Variants in SLIT3 observed in about 807,000 individuals in gnomAD.
The protein encoded by SLIT3 is slit homolog 3 protein.
SLIT3 carries 68 observed loss-of-function variants against 184.0 expected under a neutral mutation model. The observed-to-expected ratio is 0.37, with a 90% CI of 0.30 to 0.45. The LOEUF is 0.45. SLIT3 is among the 20% of genes least tolerant of loss of function. SLIT3 has a pLI of 1.00. For missense variants in SLIT3, 1,707 were observed against 2,026.0 expected (o/e 0.84, Z 3.02); for synonymous variants, 831 against 828.6 (o/e 1.00, Z -0.05).
Position 168,772,871 on chromosome 5 carries a change from T to C in SLIT3, c.1369A>G (p.Ile457Val), listed in dbSNP as rs751421401. 6.2e-7 allele frequency: 1 copy of C among 1,614,062 alleles called. No individual in the cohort carries two copies. The highest frequency in any genetic ancestry group is 8.5e-7 in the Non-Finnish European group (1 of 1,180,012). Residue 457 changes from isoleucine to valine, a missense_variant, in exon 14 of 36, where the codon ATC (isoleucine) becomes GTC (valine). This residue lies in a region of SLIT3 where 1,307 missense variants were observed against 1,511.6 expected (regional missense o/e 0.86). Transcript: ENST00000519560. ...WLADYLQDNP[I>V]ETSGARCSSP... ...CTGCAGCGGGCCCCGCTTGTCTCGA[T>C]GGGGTTGTCCTGGAGGTAGTCGGCC...
intron 4 of SLIT3, among the ~76,000 whole-genome samples, chr5:168,925,298 G>A (rs974976467): frequency 1.3e-5 from 2 of 152,288 alleles, no homozygotes; most frequent in Admixed American, 6.5e-5. Context: ...ACGCACCAAG[G>A]GAGCTGCTAC....
intron 20 of SLIT3, among the ~76,000 whole-genome samples, chr5:168,733,219 C>T (rs1763338774): frequency 6.6e-6 from 1 of 151,912 alleles, no homozygotes; most frequent in Admixed American, 6.6e-5. Flanking sequence ...AGAAAAATGC[C>T]AATCAGAACC....
chr5:169,170,157 A>C (rs997734539), intron 4 of SLIT3, among the ~76,000 whole-genome samples: 1 of 152,180 alleles, frequency 6.6e-6, no homozygotes, highest in Non-Finnish European at 1.5e-5. Flanking sequence ...TGACACCCAC[A>C]TTTGAACACC....
intron 5 of SLIT3, among the ~76,000 whole-genome samples, chr5:168,859,182 G>A (rs1759012999): frequency 6.6e-6 from 1 of 152,118 alleles, no homozygotes; most frequent in Non-Finnish European, 1.5e-5. Flanking sequence ...GTGGAGGGAC[G>A]GGGTCTATCT....
intron 3 of SLIT3, among the ~76,000 whole-genome samples, chr5:169,228,306 G>T (rs74968267): frequency 0.02 from 2,999 of 152,200 alleles, 105 homozygotes; most frequent in African/African-American, 0.069. Flanking sequence ...GGGCCAAAAA[G>T]GCCTCCCCAG....
chr5:168,977,357 T>C lies in SLIT3; in HGVS notation c.414-94021A>G, dbSNP rs544180949. 3.9e-5 allele frequency among the ~76,000 whole-genome samples: 6 copies of C among 152,302 alleles called. No individual in the cohort carries two copies. In the East Asian group the frequency reaches 1.2e-3, roughly 29 times the overall value. On this transcript the variant is annotated intron_variant, in intron 4 of 35. Transcript: ENST00000519560. ...CCAGTGAGACATGGATTTGTGGATG[T>C]TTGGCAGAAATGTGCTGGCCTTATG...
At chr5:168,893,034 T>C (rs907864819) in intron 4 of SLIT3, among the ~76,000 whole-genome samples, 1 of 152,174 alleles carries the variant, frequency 6.6e-6, no homozygotes, top group African/African-American at 2.4e-5. Context: ...CGTACCTCAT[T>C]ATATACACTT....
At chr5:168,819,263 T>C (rs1757441532) in intron 7 of SLIT3, among the ~76,000 whole-genome samples, 2 of 152,250 alleles carry the variant, frequency 1.3e-5, no homozygotes, top group Admixed American at 1.3e-4. Context: ...GCAAAACCTC[T>C]GTTTATTCAT....
intron 4 of SLIT3, among the ~76,000 whole-genome samples, chr5:169,131,793 C>A (rs973415365): frequency 6.6e-6 from 1 of 152,200 alleles, no homozygotes; most frequent in Admixed American, 6.5e-5. Flanking sequence ...GGCTGTAAAG[C>A]AAAAGCATGA....
At chr5:168,713,619 A>T (rs904516073) in intron 23 of SLIT3, among the ~76,000 whole-genome samples, 1 of 152,236 alleles carries the variant, frequency 6.6e-6, no homozygotes, top group Non-Finnish European at 1.5e-5. Flanking sequence ...ATTAGTGTTG[A>T]CAGTGGAAGT....
intron 4 of SLIT3, among the ~76,000 whole-genome samples, chr5:168,977,627 G>A (rs1416456893): frequency 6.6e-6 from 1 of 152,136 alleles, no homozygotes; most frequent in Non-Finnish European, 1.5e-5. Flanking sequence ...TGATGCCTGG[G>A]TCTGACTGTT....
chr5:169,087,192 C>T (rs2113186386), intron 4 of SLIT3, among the ~76,000 whole-genome samples: 1 of 152,304 alleles, frequency 6.6e-6, no homozygotes, highest in South Asian at 2.1e-4. Context: ...TTCTGCAAAG[C>T]ACTAACTGCT....
chr5:168,784,343 G>T (rs559322069), intron 12 of SLIT3, among the ~76,000 whole-genome samples: 1 of 152,282 alleles, frequency 6.6e-6, no homozygotes, highest in Non-Finnish European at 1.5e-5. Context: ...AGCCTTAAAA[G>T]CCCACCAAAG....
chr5:168,785,573 A>G (rs1756124147), intron 12 of SLIT3, among the ~76,000 whole-genome samples: 2 of 152,204 alleles, frequency 1.3e-5, no homozygotes, highest in African/African-American at 4.8e-5. Context: ...TTACATTCTT[A>G]GCACACTACT....
chr5:169,076,739 C>G (rs913707360), intron 4 of SLIT3, among the ~76,000 whole-genome samples: 14 of 152,044 alleles, frequency 9.2e-5, no homozygotes, highest in Admixed American at 6.6e-4. Context: ...GTGAATATAA[C>G]CTTTCCCAAG....
intron 4 of SLIT3, among the ~76,000 whole-genome samples, chr5:169,121,265 T>C (rs753556403): frequency 3.3e-5 from 5 of 152,168 alleles, no homozygotes; most frequent in African/African-American, 4.8e-5. Flanking sequence ...CTTAAACCTT[T>C]CTGATGAGAG....
chr5:168,830,901 T>G (rs1757860422), intron 6 of SLIT3, among the ~76,000 whole-genome samples: 1 of 152,184 alleles, frequency 6.6e-6, no homozygotes, highest in Non-Finnish European at 1.5e-5. Flanking sequence ...CACATGAGTT[T>G]GTGAGGGACC....
chr5:168,751,195 C>T (rs1754688843), intron 18 of SLIT3, among the ~76,000 whole-genome samples: 1 of 152,128 alleles, frequency 6.6e-6, no homozygotes, highest in South Asian at 2.1e-4. Flanking sequence ...GGCCAGATGA[C>T]GTGGGGCCGG....
chr5:169,098,865 C>T (rs1409489136), intron 4 of SLIT3, among the ~76,000 whole-genome samples: 1 of 152,126 alleles, frequency 6.6e-6, no homozygotes, highest in Non-Finnish European at 1.5e-5. Context: ...CGGAGGAATT[C>T]TACTGATTAC....
Sources: allele counts gnomAD v4.1 joint callset (sites outside exome capture counted in the v4.1 genomes callset), GRCh38; gene constraint gnomAD v4.1.1; regional missense constraint gnomAD v4.1.1; transcripts MANE v1.5; gene names NCBI Gene and HGNC (gene_info 2026-07-23, HGNC 2026-07-21).